WDPCP: variants seen among roughly 807,000 people sequenced by gnomAD.
The protein encoded by WDPCP is WD repeat containing planar cell polarity effector, also known as WD repeat-containing and planar cell polarity effector protein fritz homolog.
Under a neutral mutation model 93.1 loss-of-function variants are expected in WDPCP, and 71 were observed. That is an observed-to-expected ratio of 0.76 (90% confidence interval 0.63 to 0.93). The LOEUF is 0.93. Among genes scored for constraint, WDPCP ranks in the 40% least tolerant of loss-of-function variants. The probability of loss-of-function intolerance (pLI) is 0.00; values close to 1 mark genes in which losing one functional copy is unlikely to be tolerated. For synonymous variants in WDPCP, 315 were observed against 315.0 expected, an observed-to-expected ratio of 1.00 and a Z score of 0.00; for missense variants, 844 against 887.4, an observed-to-expected ratio of 0.95 and a Z score of 0.62.
chr2:63,785,803 A>C (rs1467848608), intron 2 of WDPCP, among the ~76,000 whole-genome samples: 1 of 152,156 alleles, frequency 6.6e-6, no homozygotes, highest in African/African-American at 2.4e-5. Context: ...TCTAGTTTTT[A>C]TATGATTGTG....
chr2:63,143,514 GT>G (rs1671250745), intron 17 of WDPCP, among the ~76,000 whole-genome samples: 1 of 152,074 alleles, frequency 6.6e-6, no homozygotes, highest in Non-Finnish European at 1.5e-5. Context: ...TTTTTAACAT[GT>G]ATTTTTGTTT....
intron 17 of WDPCP, among the ~76,000 whole-genome samples, chr2:63,125,100 T>G (rs1336182690): frequency 6.6e-6 from 1 of 152,200 alleles, no homozygotes; most frequent in Non-Finnish European, 1.5e-5. Context: ...TCTTGCATAT[T>G]TGGTATCATA....
intron 14 of WDPCP, among the ~76,000 whole-genome samples, chr2:63,210,532 T>C (rs1451337611): frequency 6.6e-6 from 1 of 152,074 alleles, no homozygotes; most frequent in Non-Finnish European, 1.5e-5. Context: ...CCGTGAGTGA[T>C]GCAGAAGACA....
intron 3 of WDPCP, among the ~76,000 whole-genome samples, chr2:63,638,236 T>C (rs1412173466): frequency 6.6e-6 from 1 of 152,124 alleles, no homozygotes; most frequent in African/African-American, 2.4e-5. Context: ...AGTGTGAGAA[T>C]TATACTTAAA....
intron 3 of WDPCP, among the ~76,000 whole-genome samples, chr2:63,617,391 A>T (rs1709684026): frequency 6.6e-6 from 1 of 152,246 alleles, no homozygotes; most frequent in Admixed American, 6.5e-5. Context: ...ATGCTTTCTT[A>T]TACCCTTCTA....
At chr2:63,640,647 G>C (rs1453380397) in intron 3 of WDPCP, among the ~76,000 whole-genome samples, 2 of 152,248 alleles carry the variant, frequency 1.3e-5, no homozygotes, top group East Asian at 3.9e-4. Flanking sequence ...AATACTACTT[G>C]ACAATAAAAA....
At chr2:63,394,109 T>C (rs957828666) in intron 10 of WDPCP, among the ~76,000 whole-genome samples, 7 of 152,076 alleles carry the variant, frequency 4.6e-5, no homozygotes, top group Non-Finnish European at 7.4e-5. Flanking sequence ...ACAGACAACC[T>C]ACAGAATAGG....
intron 10 of WDPCP, among the ~76,000 whole-genome samples, chr2:63,384,524 C>T (rs1307118039): frequency 6.6e-6 from 1 of 152,044 alleles, no homozygotes. Context: ...CACCAATGCA[C>T]ACACATAATT....
At chr2:63,414,643 T>C (rs1695276552) in intron 9 of WDPCP, among the ~76,000 whole-genome samples, 1 of 152,152 alleles carries the variant, frequency 6.6e-6, no homozygotes, top group South Asian at 2.1e-4. Context: ...ACCAAAAATC[T>C]TATGTTCTCA....
intron 2 of WDPCP, among the ~76,000 whole-genome samples, chr2:63,700,304 C>G (rs57248216): frequency 8.1e-5 from 9 of 110,974 alleles, no homozygotes; most frequent in African/African-American, 1.0e-4. Context: ...AAAAAAAAAA[C>G]AAAAAGAAAA....
rs146853282 is a variant in WDPCP, at chr2:63,765,902, G to A, written n.308+47720C>T. Among the ~76,000 whole-genome samples the A allele has an allele frequency of 6.0e-3, 921 of 152,312 alleles. 15 individuals are homozygous for A. The highest frequency in any genetic ancestry group is 0.02 in the African/African-American group (848 of 41,574). On this transcript the variant is annotated intron_variant and non_coding_transcript_variant, in intron 2 of 4. Transcript: ENST00000467687. The stretch of plus-strand genomic sequence containing the variant: ...AAACATTTTACCAGGAATGAGCTGC[G>A]TGAAGAGCCATACATCTCTCAGTCA...
intron 14 of WDPCP, 133 bp downstream of exon 14, chr2:63,259,171 ATTC>A (rs1359637527): frequency 1.5e-5 from 11 of 750,306 alleles, no homozygotes; most frequent in African/African-American, 1.1e-4. Flanking sequence ...TCAAAGCTTA[ATTC>A]TTCTTTTTAT....
At chr2:63,211,731 G>T (rs1005775245) in intron 14 of WDPCP, among the ~76,000 whole-genome samples, 1 of 152,156 alleles carries the variant, frequency 6.6e-6, no homozygotes. Flanking sequence ...AAAAATACTG[G>T]ACGAATGGCT....
intron 17 of WDPCP, among the ~76,000 whole-genome samples, chr2:63,138,084 T>TTG (rs1670769099): frequency 6.6e-6 from 1 of 151,488 alleles, no homozygotes; most frequent in South Asian, 2.1e-4. Context: ...TTTTTTTTTT[T>TTG]TTTTGGTGCA....
intron 3 of WDPCP, chr2:63,622,971 A>G: frequency 1.5e-6 from 1 of 688,854 alleles, no homozygotes; most frequent in Non-Finnish European, 2.4e-6. Flanking sequence ...CACGGCGCCC[A>G]AGCAGCTGCT....
chr2:63,189,982 A>G (rs1674917997), intron 14 of WDPCP, among the ~76,000 whole-genome samples: 2 of 152,300 alleles, frequency 1.3e-5, no homozygotes, highest in African/African-American at 4.8e-5. Flanking sequence ...TTAAAAGCAA[A>G]CATTTATTGA....
chr2:63,334,607 G>C (rs1462347481), intron 12 of WDPCP, among the ~76,000 whole-genome samples: 1 of 152,148 alleles, frequency 6.6e-6, no homozygotes, highest in Non-Finnish European at 1.5e-5. Flanking sequence ...GTAGTAGGAG[G>C]CTGGTTTGCC....
chr2:63,196,845 CAT>C (rs1675474738), intron 14 of WDPCP, among the ~76,000 whole-genome samples: 1 of 152,142 alleles, frequency 6.6e-6, no homozygotes, highest in Non-Finnish European at 1.5e-5. Context: ...AGGAAGAAGA[CAT>C]AGAAGAACCA....
chr2:63,152,870 C>G, intron 17 of WDPCP, 44 bp downstream of exon 17: 1 of 1,578,250 alleles, frequency 6.3e-7, no homozygotes, highest in Non-Finnish European at 8.7e-7. Flanking sequence ...ATGCTTTTCT[C>G]TTAGAATTTA....
Sources: allele counts gnomAD v4.1 joint callset (sites outside exome capture counted in the v4.1 genomes callset), GRCh38; gene constraint gnomAD v4.1.1; transcripts MANE v1.5; gene names NCBI Gene and HGNC (gene_info 2026-07-23, HGNC 2026-07-21).